Variants in WNK4 observed in about 807,000 individuals in gnomAD.
WNK4 encodes the protein serine/threonine-protein kinase WNK4.
WNK4 carries 94 observed loss-of-function variants against 116.2 expected under a neutral mutation model. The observed-to-expected ratio is 0.81, with a 90% CI of 0.68 to 0.96. WNK4 has a LOEUF of 0.96. WNK4 is among the 40% of genes least tolerant of loss of function. The pLI, the probability that WNK4 is intolerant of heterozygous loss-of-function variation, is 0.00. For synonymous variants in WNK4, 655 were observed against 672.7 expected, an observed-to-expected ratio of 0.97 and a Z score of 0.41; for missense variants, 1,542 against 1,650.6, an observed-to-expected ratio of 0.93 and a Z score of 1.14.
Position 42,787,551 on chromosome 17 carries a change from C to G in WNK4, c.1741+9C>G, listed in dbSNP as rs2054563885. ...CTACTCATCTACCACTTGTAAGTCA[C>G]CCCTGATCTTGAGACGTAGGTCCCA... is the stretch of plus-strand genomic sequence containing the variant. On this transcript the variant is annotated intron_variant, in intron 7 of 18. Coordinates refer to ENST00000246914, the MANE Select transcript of WNK4 (RefSeq NM_032387.5). 6.2e-7 allele frequency: 1 copy of G among 1,613,178 alleles called. No homozygotes were observed.
At chr17:42,796,647 C>T (rs374264953) in intron 18 of WNK4, 39 bp from the exon 19 acceptor site, 143 of 1,614,098 alleles carry the variant, frequency 8.9e-5, no homozygotes, top group Non-Finnish European at 1.2e-4. Flanking sequence ...CTTCCTCCCA[C>T]CTTGGAGGTT....
intron 12 of WNK4, chr17:42,794,225 A>T: frequency 6.2e-6 from 2 of 324,050 alleles, no homozygotes; most frequent in Non-Finnish European, 1.2e-5. Flanking sequence ...AAACTTGTTC[A>T]ATACATACTT....
At chr17:42,792,330 C>A (rs1016141716) in intron 11 of WNK4, among the ~76,000 whole-genome samples, 5 of 152,180 alleles carry the variant, frequency 3.3e-5, no homozygotes, top group Admixed American at 6.5e-5. Context: ...CCAGCTTCCC[C>A]CTATCCCCAG....
Position 42,784,034 on chromosome 17 carries a change from C to T in WNK4, c.889C>T (p.Pro297Ser). The T allele has an allele frequency of 4.3e-6, 7 of 1,614,030 alleles. No homozygotes were observed. The highest frequency in any genetic ancestry group is 5.9e-6 in the Non-Finnish European group (7 of 1,180,032). The change falls in exon 3 of 19, where the codon CCC becomes TCC. Residue 297 changes from proline (P) to serine (S), a missense_variant. Pro to Ser is a moderately conservative substitution (Grantham distance 74, BLOSUM62 -1). Transcript: ENST00000246914. The surrounding 1 kb of genome is among the most constrained non-coding windows in gnomAD (Gnocchi z 4.4). ...GLHFLHSRVP[P>S]ILHRDLKCDN... ...TCATTTCCTACACTCCCGGGTTCCT[C>T]CCATCCTGCACCGGGATCTCAAGTG...
At position 42,787,338 on chromosome 17, in the gene WNK4, C is replaced by T. The variant is rs758845858; in HGVS notation, c.1537C>T (p.Arg513Trp). 20 of 1,613,992 alleles carry T rather than the reference C, an allele frequency of 1.2e-5. No individual in the cohort carries two copies. Among genetic ancestry groups the T allele is most frequent in the East Asian group, 2.2e-5 (1 of 44,890 alleles). The change falls in exon 7 of 19, where the codon CGG (arginine) becomes TGG (tryptophan). Residue 513 changes from arginine to tryptophan, a missense_variant. Around this residue, in one of 7 missense-constraint regions of WNK4, gnomAD observed 808 missense variants for 873.6 expected, o/e 0.92. Coordinates refer to ENST00000246914, the MANE Select transcript of WNK4 (RefSeq NM_032387.5). ...GCCAGTGGCCCGTGCAGTACGTGAA[C>T]GGGTTGCTGCCATCCAGCGAAAGCG... ...YQPVARAVRE[R>W]VAAIQRKREK... is the part of the protein sequence containing the mutation.
intron 1 of WNK4, among the ~76,000 whole-genome samples, chr17:42,781,631 T>G (rs1343914881): frequency 3.3e-5 from 5 of 152,164 alleles, no homozygotes; most frequent in Admixed American, 2.0e-4. Flanking sequence ...GTCAGTTTCC[T>G]GCTGGTGGGT....
chr17:42,783,937 G>T lies in WNK4; in HGVS notation c.792G>T (p.Thr264=). Residue 264 remains threonine (T), a splice_region_variant and synonymous_variant, in exon 3 of 19, where the codon ACG becomes ACT. Transcript: ENST00000246914. ...TELMTSGTLK[T]YLRRFREMKP... is the part of the protein sequence containing the mutation. ...ACTCTGGCTATGCGCCCTCCCCCAG[G>T]TACCTGAGGCGGTTCCGGGAGATGA... 1 of 1,613,006 alleles carries T rather than the reference G, an allele frequency of 6.2e-7. No individual in the cohort carries two copies. The highest frequency in any genetic ancestry group is 8.5e-7 in the Non-Finnish European group (1 of 1,179,742).
In WNK4 at chr17:42,782,197, G is replaced by T. The variant is rs2054491188; in HGVS notation, c.619-561G>T. On this transcript the variant is annotated intron_variant, in intron 1 of 18. Coordinates refer to ENST00000246914, the MANE Select transcript of WNK4 (RefSeq NM_032387.5). This position sits in a 1 kb window ranked among gnomAD's most constrained non-coding sequence, Gnocchi z 4.2. Reference sequence around the variant, plus strand: ...CAGGCCAGGAGAGGCAGCCAAATTGGGGGGTGAGGGGAGGGAGAGGAGCCG... The same window carrying T: ...CAGGCCAGGAGAGGCAGCCAAATTGTGGGGTGAGGGGAGGGAGAGGAGCCG... Among the ~76,000 whole-genome samples, 1 of 152,182 alleles carries T rather than the reference G, an allele frequency of 6.6e-6. No individual in the cohort carries two copies. The highest frequency in any genetic ancestry group is 2.1e-4 in the South Asian group (1 of 4,832).
Position 42,782,812 on chromosome 17 carries a change from C to T in WNK4, c.673C>T (p.Leu225Phe), listed in dbSNP as rs1174522447. The part of the protein sequence containing the change: ...RQRFSEEVEM[L>F]KGLQHPNIVR... ...GCGCTTCTCAGAGGAGGTGGAGATG[C>T]TCAAGGGGCTGCAGCACCCCAACAT... is the stretch of plus-strand genomic sequence containing the variant. The change falls in exon 2 of 19, where the codon CTC becomes TTC. Residue 225 changes from leucine (L) to phenylalanine (F), a missense_variant. By Grantham distance (22) the Leu-to-Phe change is conservative. This residue lies in a region of WNK4 where 808 missense variants were observed against 873.6 expected (regional missense o/e 0.92). Transcript: ENST00000246914. This position sits in a 1 kb window ranked among gnomAD's most constrained non-coding sequence, Gnocchi z 4.2. 5.0e-6 allele frequency: 8 copies of T among 1,614,076 alleles called. No individual in the cohort carries two copies. The highest frequency in any genetic ancestry group is 2.2e-5 in the East Asian group (1 of 44,892).
chr17:42,781,444 C>A, intron 1 of WNK4, 128 bp downstream of exon 1: 1 of 1,250,914 alleles, frequency 8.0e-7, no homozygotes, highest in Non-Finnish European at 1.1e-6. Flanking sequence ...TCTATAGACA[C>A]CTCTGCTGTC....
At position 42,784,663 on chromosome 17, in the gene WNK4, T is replaced by C; in HGVS notation, c.1170+84T>C. 1 of 1,560,998 alleles carries C rather than the reference T, an allele frequency of 6.4e-7. No homozygotes were observed. The highest frequency in any genetic ancestry group is 8.7e-7 in the Non-Finnish European group (1 of 1,146,464). On this transcript the variant is annotated intron_variant, in intron 4 of 18. Transcript: ENST00000246914. The surrounding 1 kb of genome is among the most constrained non-coding windows in gnomAD (Gnocchi z 4.4). Reference sequence around the variant, plus strand: ...GCCGGCCAGCCCGCAGTCAATGCCCTTTGCCTGCACGAAAACAGGCTAGAC... The same window carrying C: ...GCCGGCCAGCCCGCAGTCAATGCCCCTTGCCTGCACGAAAACAGGCTAGAC...
Position 42,780,870 on chromosome 17 carries a change from C to T in WNK4, c.172C>T (p.Arg58Cys), listed in dbSNP as rs778456079. Residue 58 changes from arginine (R) to cysteine (C), a missense_variant, in exon 1 of 19, where the codon CGT becomes TGT. Physicochemically the swap from Arg to Cys is radical, Grantham distance 180 (BLOSUM62 -3). This residue lies in a region of WNK4 where 243 missense variants were observed against 217.8 expected (regional missense o/e 1.12). Coordinates refer to ENST00000246914, the MANE Select transcript of WNK4 (RefSeq NM_032387.5). ...GGCTGAGCCCCGGCCGCGCTCTTCTCGTCTCAGCCGCCGTAGCTCAGTCGA... is the reference window on the plus strand; with the variant it reads ...GGCTGAGCCCCGGCCGCGCTCTTCTTGTCTCAGCCGCCGTAGCTCAGTCGA... Reference protein sequence around the residue: ...GKAEPRPRSSRLSRRSSVDLG... With the variant: ...GKAEPRPRSSCLSRRSSVDLG... The T allele has an allele frequency of 3.1e-6, 5 of 1,604,578 alleles. No individual in the cohort carries two copies. Among genetic ancestry groups the T allele is most frequent in the Non-Finnish European group, 3.4e-6 (4 of 1,179,410 alleles).
At position 42,785,299 on chromosome 17, in the gene WNK4, C is replaced by T. The variant is rs142027397; in HGVS notation, c.1293C>T (p.Phe431=). Reference sequence around the variant, plus strand: ...TCCAGGACCTCCTGGCCCACGCCTTCTTCCGCGAGGAGCGCGGTGTGCACG... The same window carrying T: ...TCCAGGACCTCCTGGCCCACGCCTTTTTCCGCGAGGAGCGCGGTGTGCACG... ...FTIQDLLAHA[F]FREERGVHVE... The change falls in exon 6 of 19, where the codon TTC becomes TTT. Residue 431 remains phenylalanine, a synonymous_variant. Coordinates refer to ENST00000246914, the MANE Select transcript of WNK4 (RefSeq NM_032387.5). The T allele has an allele frequency of 3.1e-5, 50 of 1,611,944 alleles. No homozygotes were observed. The African/African-American group carries it at 6.3e-4, about 20-fold the overall frequency.
intron 11 of WNK4, among the ~76,000 whole-genome samples, chr17:42,793,330 C>T (rs2054624913): frequency 6.6e-6 from 1 of 152,132 alleles, no homozygotes; most frequent in Non-Finnish European, 1.5e-5. Flanking sequence ...CCCGTCTTAG[C>T]CTCCCAAGTA....
In WNK4 at chr17:42,787,515, C is replaced by T. The variant is rs750147468; in HGVS notation, c.1714C>T (p.Arg572Cys). ...EADQHQPFLF[R>C]HASYSSTTSD... Reference sequence around the variant, plus strand: ...AGACCAGCACCAGCCCTTCCTTTTCCGCCACGCCAGCTACTCATCTACCAC... The same window carrying T: ...AGACCAGCACCAGCCCTTCCTTTTCTGCCACGCCAGCTACTCATCTACCAC... The change falls in exon 7 of 19, where the codon CGC becomes TGC. Residue 572 changes from arginine (R) to cysteine (C), a missense_variant. This residue lies in a region of WNK4 where 808 missense variants were observed against 873.6 expected (regional missense o/e 0.92). Coordinates refer to ENST00000246914, the MANE Select transcript of WNK4 (RefSeq NM_032387.5). 2.2e-5 allele frequency: 35 copies of T among 1,610,474 alleles called. No homozygotes were observed. Among genetic ancestry groups the T allele is most frequent in the Non-Finnish European group, 2.7e-5 (32 of 1,178,402 alleles).
Position 42,785,092 on chromosome 17 carries a change from C to G in WNK4, c.1171-5C>G. The G allele has an allele frequency of 6.2e-7, 1 of 1,612,054 alleles. No homozygotes were observed. The highest frequency in any genetic ancestry group is 8.5e-7 in the Non-Finnish European group (1 of 1,179,304). ...ACGGGAGGTGTCATGCAACCCCTTC[C>G]CCAGGGCAGAAAGCCGAACAGCTTC... On this transcript the variant is annotated splice_region_variant and splice_polypyrimidine_tract_variant and intron_variant, in intron 4 of 18. Transcript: ENST00000246914.
rs201054911 is a variant in WNK4 at position 42,781,199 on chromosome 17, G to A, written c.501G>A (p.Thr167=). 2 of 1,614,188 alleles carry A rather than the reference G, an allele frequency of 1.2e-6. No individual in the cohort carries two copies. The highest frequency in any genetic ancestry group is 1.7e-6 in the Non-Finnish European group (2 of 1,180,034). Residue 167 remains threonine (T), a synonymous_variant, in exon 1 of 19, where the codon ACG becomes ACA. Transcript: ENST00000246914. Reference sequence around the variant, plus strand: ...ACATGGAGACCCAGGCTGTGGCAACGTCCCCCGATGGCCGATACCTCAAGT... The same window carrying A: ...ACATGGAGACCCAGGCTGTGGCAACATCCCCCGATGGCCGATACCTCAAGT... ...KEDMETQAVA[T]SPDGRYLKFD...
chr17:42,783,858 G>T (rs1218001565), intron 2 of WNK4, 79 bp from the exon 3 acceptor site: 1 of 1,384,418 alleles, frequency 7.2e-7, no homozygotes, highest in Non-Finnish European at 1.0e-6. Context: ...GGTGCGGCAG[G>T]GGGGAACTTC....
chr17:42,793,661 C>A lies in WNK4; in HGVS notation c.2227C>A (p.Arg743=). Residue 743 remains arginine (R), a synonymous_variant, in exon 12 of 19, where the codon CGA becomes AGA. Transcript: ENST00000246914. Reference sequence around the variant, plus strand: ...CAGACGGATTCGGGAGATTATCCAGCGAGTGGAGACCCTGTTGAAGAGAGA... The same window carrying A: ...CAGACGGATTCGGGAGATTATCCAGAGAGTGGAGACCCTGTTGAAGAGAGA... ...FLRRIREIIQ[R]VETLLKRDTG... The A allele has an allele frequency of 6.2e-7, 1 of 1,614,042 alleles. No homozygotes were observed. The highest frequency in any genetic ancestry group is 8.5e-7 in the Non-Finnish European group (1 of 1,179,982).
Sources: allele counts gnomAD v4.1 joint callset (sites outside exome capture counted in the v4.1 genomes callset), GRCh38; gene constraint gnomAD v4.1.1; regional missense constraint gnomAD v4.1.1; non-coding constraint Gnocchi (gnomAD v3.1); transcripts MANE v1.5; gene names NCBI Gene and HGNC (gene_info 2026-07-23, HGNC 2026-07-21).